SMYD3: variants seen among roughly 807,000 people sequenced by gnomAD.
SMYD3 encodes SET and MYND domain containing 3, also known as histone-lysine N-methyltransferase SMYD3.
A neutral mutation model predicts 57.7 loss-of-function variants in SMYD3; 36 were observed. That is an observed-to-expected ratio of 0.62 (90% CI 0.48 to 0.82). The LOEUF (loss-of-function observed/expected upper bound fraction) is 0.82, where lower values mean the gene tolerates loss of function less well. Ranked by LOEUF, SMYD3 falls within the 40% of genes least tolerant of loss-of-function variation. SMYD3 has a pLI of 0.00. For missense variants in SMYD3, 515 were observed against 538.8 expected (o/e 0.96, Z 0.44); for synonymous variants, 211 against 195.0 (o/e 1.08, Z -0.68).
At chr1:246,440,278 T>G (rs1439489056) in intron 1 of SMYD3, among the ~76,000 whole-genome samples, 1 of 152,338 alleles carries the variant, frequency 6.6e-6, no homozygotes, top group South Asian at 2.1e-4. Context: ...CTTAATGTGA[T>G]TATTTGCCCC....
At chr1:246,166,100 TA>T (rs376483658) in intron 5 of SMYD3, among the ~76,000 whole-genome samples, 6 of 149,978 alleles carry the variant, frequency 4.0e-5, no homozygotes, top group East Asian at 2.0e-4. Context: ...CTCCCTTTTT[TA>T]AAAAAAAAAG....
At chr1:245,803,598 G>A (rs573618316) in intron 10 of SMYD3, among the ~76,000 whole-genome samples, 30 of 152,322 alleles carry the variant, frequency 2.0e-4, no homozygotes, top group African/African-American at 6.5e-4. Context: ...CCCCAGCCAC[G>A]TGGAGGCTAA....
At chr1:246,213,433 C>T (rs889934891) in intron 5 of SMYD3, among the ~76,000 whole-genome samples, 1 of 152,154 alleles carries the variant, frequency 6.6e-6, no homozygotes, top group African/African-American at 2.4e-5. Flanking sequence ...TCCGTGTTTC[C>T]ACCATTATAG....
chr1:245,766,400 T>TAAAA (rs35500837), intron 10 of SMYD3, among the ~76,000 whole-genome samples: 2 of 101,754 alleles, frequency 2.0e-5, no homozygotes, highest in Admixed American at 1.1e-4. Context: ...GACTCTGTCT[T>TAAAA]AAAAAAAAAA....
At chr1:245,828,200 G>A (rs531563323) in intron 10 of SMYD3, among the ~76,000 whole-genome samples, 4 of 152,218 alleles carry the variant, frequency 2.6e-5, no homozygotes, top group East Asian at 3.9e-4. Flanking sequence ...TCCTTAAGAC[G>A]GGCCAGGGAA....
intron 1 of SMYD3, among the ~76,000 whole-genome samples, chr1:246,455,203 A>C (rs2067685258): frequency 6.6e-6 from 1 of 152,164 alleles, no homozygotes; most frequent in African/African-American, 2.4e-5. Context: ...GGGAGAGAAA[A>C]AGTATTCCTT....
At chr1:246,027,957 T>A (rs1027241629) in intron 5 of SMYD3, among the ~76,000 whole-genome samples, 16 of 152,286 alleles carry the variant, frequency 1.1e-4, no homozygotes, top group African/African-American at 3.6e-4. Flanking sequence ...AATATCAACA[T>A]TAACAAGAGT....
chr1:245,823,625 C>A (rs1414822532), intron 10 of SMYD3, among the ~76,000 whole-genome samples: 1 of 152,228 alleles, frequency 6.6e-6, no homozygotes, highest in African/African-American at 2.4e-5. Context: ...TTCCAACTTC[C>A]ACCTTGTTGA....
chr1:246,240,639 T>G (rs1572264170), intron 5 of SMYD3, among the ~76,000 whole-genome samples: 1 of 152,314 alleles, frequency 6.6e-6, no homozygotes. Context: ...AAGTCATTGG[T>G]AGCTTGATGG....
At chr1:246,295,500 CA>C (rs1558383991) in intron 5 of SMYD3, among the ~76,000 whole-genome samples, 1 of 152,106 alleles carries the variant, frequency 6.6e-6, no homozygotes, top group African/African-American at 2.4e-5. Context: ...TTTGATTTAA[CA>C]AGAAGATTCT....
chr1:245,784,843 A>ATTTTT (rs74163079), intron 10 of SMYD3, among the ~76,000 whole-genome samples: 1 of 115,702 alleles, frequency 8.6e-6, no homozygotes, highest in Non-Finnish European at 1.8e-5. Context: ...TTTAGACTGA[A>ATTTTT]TTTTTTTTTT....
intron 1 of SMYD3, among the ~76,000 whole-genome samples, chr1:246,444,389 G>A (rs952740223): frequency 6.6e-6 from 1 of 152,156 alleles, no homozygotes; most frequent in Non-Finnish European, 1.5e-5. Context: ...CTCCCAAAGT[G>A]CTGGGATTAC....
At chr1:245,996,553 G>A (rs965211308) in intron 5 of SMYD3, among the ~76,000 whole-genome samples, 2 of 152,116 alleles carry the variant, frequency 1.3e-5, no homozygotes, top group African/African-American at 4.8e-5. Flanking sequence ...TGCATTCCCA[G>A]AGCCTAGAAG....
At chr1:245,863,507 C>T (rs1572539315) in intron 9 of SMYD3, among the ~76,000 whole-genome samples, 1 of 152,126 alleles carries the variant, frequency 6.6e-6, no homozygotes, top group Admixed American at 6.6e-5. Context: ...AATTTGTTAC[C>T]TTTTACATAT....
chr1:245,896,566 G>C (rs1572623992), intron 8 of SMYD3, among the ~76,000 whole-genome samples: 1 of 152,142 alleles, frequency 6.6e-6, no homozygotes, highest in East Asian at 1.9e-4. Context: ...AAAATGGTGA[G>C]TACAGTCAAC....
At position 246,085,783 on chromosome 1, in the gene SMYD3, GA is replaced by G. The variant is rs1467943582; in HGVS notation, c.532-155847del. ...ATTTCTAATAAAATAAATTTTATTA[GA>G]GGGGGTCCCAGCTACCCAAAATAAG... On this transcript the variant is annotated intron_variant, in intron 5 of 11. Transcript: ENST00000490107. Among the ~76,000 whole-genome samples, 5 of 152,152 alleles carry G rather than the reference GA, an allele frequency of 3.3e-5. No individual in the cohort carries two copies. In the South Asian group the frequency reaches 6.2e-4, roughly 19 times the overall value.
At chr1:246,236,335 A>T (rs1214330766) in intron 5 of SMYD3, among the ~76,000 whole-genome samples, 1 of 152,112 alleles carries the variant, frequency 6.6e-6, no homozygotes, top group Non-Finnish European at 1.5e-5. Flanking sequence ...GGCTCAGGCA[A>T]TCCTCCCGCC....
intron 8 of SMYD3, among the ~76,000 whole-genome samples, chr1:245,912,646 A>AT (rs1192692454): frequency 6.6e-6 from 1 of 152,230 alleles, no homozygotes; most frequent in East Asian, 1.9e-4. Flanking sequence ...TGGAATTGGT[A>AT]TAAAAACAGA....
chr1:246,214,122 G>A (rs995726437), intron 5 of SMYD3, among the ~76,000 whole-genome samples: 1 of 152,178 alleles, frequency 6.6e-6, no homozygotes, highest in Non-Finnish European at 1.5e-5. Flanking sequence ...TGGTGGTATT[G>A]ATCTAATGGA....
Sources: gnomAD v4.1 joint callset for allele counts (sites outside exome capture counted in the v4.1 genomes callset) on GRCh38, gnomAD v4.1.1 for gene constraint, MANE v1.5 for transcripts, NCBI Gene and HGNC (gene_info 2026-07-23, HGNC 2026-07-21) for gene names.